The following ABLIM2 variants were observed in gnomAD, a reference collection of about 807,000 sequenced individuals.
ABLIM2 encodes the protein actin-binding LIM protein 2.
Under a neutral mutation model 97.7 loss-of-function variants are expected in ABLIM2, and 53 were observed. The observed-to-expected ratio is 0.54, with a 90% CI of 0.44 to 0.68. The LOEUF (loss-of-function observed/expected upper bound fraction) is 0.68, where lower values mean the gene tolerates loss of function less well. Ranked by LOEUF, ABLIM2 falls within the 30% of genes least tolerant of loss-of-function variation. The pLI, the probability that ABLIM2 is intolerant of heterozygous loss-of-function variation, is 0.00. For synonymous variants in ABLIM2, 361 were observed against 345.8 expected (o/e 1.04, Z -0.49); for missense variants, 835 against 867.2 (o/e 0.96, Z 0.47).
chr4:8,151,756 C>T (rs537667695), intron 1 of ABLIM2, among the ~76,000 whole-genome samples: 17 of 147,040 alleles, frequency 1.2e-4, no homozygotes, highest in South Asian at 6.5e-4. Context: ...GAGGTCCAGG[C>T]GAGGGGCTGG....
chr4:8,152,482 G>A (rs754761492), intron 1 of ABLIM2, among the ~76,000 whole-genome samples: 36 of 152,232 alleles, frequency 2.4e-4, no homozygotes, highest in East Asian at 3.8e-4. Flanking sequence ...TTGATGAGCC[G>A]CAGTCTCTGC....
intron 1 of ABLIM2, among the ~76,000 whole-genome samples, chr4:8,157,675 T>C (rs1230802902): frequency 2.6e-5 from 4 of 152,216 alleles, no homozygotes; most frequent in African/African-American, 4.8e-5. Context: ...GAAGCGGCTG[T>C]CCCCATTGGT....
intron 14 of ABLIM2, among the ~76,000 whole-genome samples, chr4:8,016,466 G>C (rs78464934): frequency 6.6e-6 from 1 of 152,102 alleles, no homozygotes; most frequent in Non-Finnish European, 1.5e-5. Context: ...AAAGCCCCAC[G>C]GGTTATATGG....
rs548415830 is a variant in ABLIM2, at chr4:8,081,753, C to T, written c.455-951G>A. Reference sequence around the variant, plus strand: ...GGAGTGGGAGGCAGAGCGGCAGAGACGCTGTGACAGCATCCCCAAGGGAAA... The same window carrying T: ...GGAGTGGGAGGCAGAGCGGCAGAGATGCTGTGACAGCATCCCCAAGGGAAA... On this transcript the variant is annotated intron_variant, in intron 4 of 20. Transcript: ENST00000447017. 4.7e-4 allele frequency among the ~76,000 whole-genome samples: 71 copies of T among 152,228 alleles called. 1 individual carries two copies. The highest frequency in any genetic ancestry group is 1.6e-3 in the African/African-American group (65 of 41,522).
chr4:8,053,696 A>G (rs1797363269), intron 8 of ABLIM2, among the ~76,000 whole-genome samples: 2 of 152,262 alleles, frequency 1.3e-5, no homozygotes, highest in South Asian at 2.1e-4. Flanking sequence ...GTCCTTTGTG[A>G]CAGTGTTGGA....
chr4:8,045,305 T>A, intron 8 of ABLIM2, 64 bp from the exon 9 acceptor site: 1 of 1,423,582 alleles, frequency 7.0e-7, no homozygotes, highest in South Asian at 1.1e-5. Flanking sequence ...CAGAGGCGAC[T>A]GTCAGGAGTT....
chr4:8,083,191 G>A lies in ABLIM2; in HGVS notation c.455-2389C>T, dbSNP rs1821037802. On this transcript the variant is annotated intron_variant, in intron 4 of 20. Transcript: ENST00000447017. The surrounding 1 kb of genome is among the most constrained non-coding windows in gnomAD (Gnocchi z 4.6). Reference sequence around the variant, plus strand: ...ATGTCAAGGGAGCACAGCACATGGGGCTGTGTGTCGACCAGAGGACAGACA... The same window carrying A: ...ATGTCAAGGGAGCACAGCACATGGGACTGTGTGTCGACCAGAGGACAGACA... 6.6e-6 allele frequency among the ~76,000 whole-genome samples: 1 copy of A among 152,206 alleles called. No individual in the cohort carries two copies. Among genetic ancestry groups the A allele is most frequent in the Admixed American group, 6.5e-5 (1 of 15,284 alleles).
chr4:8,064,554 C>A (rs919570057), intron 6 of ABLIM2, among the ~76,000 whole-genome samples: 11 of 152,186 alleles, frequency 7.2e-5, no homozygotes, highest in African/African-American at 2.7e-4. Flanking sequence ...CCATCCTTTT[C>A]TTTATAAATT....
rs1257651144 is a variant in ABLIM2 at position 8,061,478 on chromosome 4, G to C, written c.676-424C>G. ...ATTTCCCTAGGTGCAAGAATTAGGG[G>C]AGTGGGGTGAAAAAGGATGAATACT... On this transcript the variant is annotated intron_variant, in intron 6 of 20. Transcript: ENST00000447017. This position sits in a 1 kb window ranked among gnomAD's most constrained non-coding sequence, Gnocchi z 4.5. Among the ~76,000 whole-genome samples, 3 of 152,110 alleles carry C rather than the reference G, an allele frequency of 2.0e-5. No individual in the cohort carries two copies. Among genetic ancestry groups the C allele is most frequent in the African/African-American group, 7.2e-5 (3 of 41,412 alleles).
intron 20 of ABLIM2, among the ~76,000 whole-genome samples, chr4:7,982,353 C>G (rs991722122): frequency 1.3e-5 from 2 of 152,234 alleles, no homozygotes; most frequent in Non-Finnish European, 2.9e-5. Flanking sequence ...CAAGACCCTT[C>G]ACTCTAGCAA....
chr4:7,993,642 A>G (rs1222818451), intron 16 of ABLIM2, among the ~76,000 whole-genome samples: 1 of 152,320 alleles, frequency 6.6e-6, no homozygotes, highest in East Asian at 1.9e-4. Flanking sequence ...ACACCACTGC[A>G]CTGCAGCCTG....
rs558675916 is a variant in ABLIM2 at position 8,112,061 on chromosome 4, C to T, written c.11-5424G>A. On this transcript the variant is annotated intron_variant, in intron 1 of 20. Coordinates refer to ENST00000447017, the MANE Select transcript of ABLIM2 (RefSeq NM_001130083.2). The surrounding 1 kb of genome is among the most constrained non-coding windows in gnomAD (Gnocchi z 4.2). ...CTGTGATAATAACATAGAACATAAA[C>T]TCAAGTGCTAAGAATCTATCACACA... is the stretch of plus-strand genomic sequence containing the variant. 1.8e-3 allele frequency among the ~76,000 whole-genome samples: 268 copies of T among 152,206 alleles called. 1 individual carries two copies. Among genetic ancestry groups the T allele is most frequent in the African/African-American group, 6.2e-3 (258 of 41,534 alleles).
chr4:8,143,254 G>A (rs1482496994), intron 1 of ABLIM2, among the ~76,000 whole-genome samples: 1 of 150,754 alleles, frequency 6.6e-6, no homozygotes, highest in African/African-American at 2.4e-5. Flanking sequence ...CTGTTGTACT[G>A]TCAGCGGTCT....
At chr4:8,078,006 G>A (rs965536538) in intron 5 of ABLIM2, among the ~76,000 whole-genome samples, 8 of 152,224 alleles carry the variant, frequency 5.3e-5, no homozygotes, top group African/African-American at 9.7e-5. Flanking sequence ...CAGCTTCTGG[G>A]AAACGAGAGC....
intron 7 of ABLIM2, among the ~76,000 whole-genome samples, chr4:8,056,045 A>G (rs1003558212): frequency 1.8e-4 from 26 of 141,472 alleles, no homozygotes; most frequent in African/African-American, 6.6e-4. Context: ...CTTGGGAGGC[A>G]GAGGTTGCAG....
intron 11 of ABLIM2, among the ~76,000 whole-genome samples, chr4:8,028,105 CA>C (rs1778579140): frequency 2.0e-5 from 3 of 152,356 alleles, no homozygotes; most frequent in East Asian, 1.9e-4. Context: ...TGGGGTTCCC[CA>C]GGGGGGGTTA....
intron 5 of ABLIM2, among the ~76,000 whole-genome samples, chr4:8,078,126 A>G (rs990512431): frequency 1.3e-5 from 2 of 152,190 alleles, no homozygotes; most frequent in African/African-American, 4.8e-5. Flanking sequence ...GGGCACCCAC[A>G]TTGGGAACAG....
In ABLIM2 at chr4:8,043,281, T is replaced by C. The variant is rs1400403266; in HGVS notation, c.900+1883A>G. Among the ~76,000 whole-genome samples, 4 of 152,244 alleles carry C rather than the reference T, an allele frequency of 2.6e-5. No homozygotes were observed. In the South Asian group the frequency reaches 6.2e-4, roughly 24 times the overall value. On this transcript the variant is annotated intron_variant, in intron 9 of 20. Coordinates refer to ENST00000447017, the MANE Select transcript of ABLIM2 (RefSeq NM_001130083.2). This position sits in a 1 kb window ranked among gnomAD's most constrained non-coding sequence, Gnocchi z 4.8. Reference sequence around the variant, plus strand: ...TCTCTTGTGAACTTGTCTCTCGTTATAGGAGTGTCAGCTGTGACCCTTTCA... The same window carrying C: ...TCTCTTGTGAACTTGTCTCTCGTTACAGGAGTGTCAGCTGTGACCCTTTCA...
In ABLIM2 at chr4:7,966,719, T is replaced by G; in HGVS notation, c.*271A>C. 2.3e-6 allele frequency: 1 copy of G among 443,816 alleles called. No individual in the cohort carries two copies. 27.5% of individuals were successfully genotyped at this position (443,816 alleles called of 1,614,324 possible). A position where few individuals can be genotyped will look rare whatever the true frequency, so the allele number is the denominator to read the frequency against. On this transcript the variant is annotated 3_prime_UTR_variant, in exon 21 of 21. Transcript: ENST00000447017. ...GGGCTGCAGCCACCTGTGTGCTCCA[T>G]CTGATGCCCGACACAGCCACTCTAC...
Sources: gnomAD v4.1 joint callset for allele counts (sites outside exome capture counted in the v4.1 genomes callset) on GRCh38, gnomAD v4.1.1 for gene constraint, Gnocchi (gnomAD v3.1) non-coding constraint, MANE v1.5 for transcripts, NCBI Gene and HGNC (gene_info 2026-07-23, HGNC 2026-07-21) for gene names.